Variants in PCDH11X observed in about 807,000 individuals in gnomAD.
The protein encoded by PCDH11X is protocadherin-11 X-linked.
PCDH11X carries 18 observed loss-of-function variants against 53.3 expected under a neutral mutation model. That is an observed-to-expected ratio of 0.34 (90% CI 0.23 to 0.50). The LOEUF (loss-of-function observed/expected upper bound fraction) is 0.50, where lower values mean the gene tolerates loss of function less well. Among genes scored for constraint, PCDH11X ranks in the 20% least tolerant of loss-of-function variants. The pLI is 0.98. For missense variants in PCDH11X, 570 were observed against 1,032.4 expected (o/e 0.55, Z 6.14); for synonymous variants, 279 against 393.3 (o/e 0.71, Z 3.44).
intron 6 of PCDH11X, among the ~76,000 whole-genome samples, chrX:91,977,749 C>T (rs2062065432): frequency 9.0e-6 from 1 of 111,536 alleles, no homozygotes; most frequent in Admixed American, 9.6e-5. Context: ...AACCTAATTC[C>T]ATCCTAAATC....
chrX:92,366,262 G>T (rs1299445213), intron 8 of PCDH11X, among the ~76,000 whole-genome samples: 1 of 111,241 alleles, frequency 9.0e-6, no homozygotes, highest in African/African-American at 3.3e-5. Flanking sequence ...AGATTTTCTG[G>T]TTTATTTGCA....
chrX:92,480,649 C>T (rs1227956768), intron 10 of PCDH11X, among the ~76,000 whole-genome samples: 1 of 110,682 alleles, frequency 9.0e-6, no homozygotes, highest in Non-Finnish European at 1.9e-5. Flanking sequence ...ATACTACGTG[C>T]TGTAACTCTG....
At chrX:91,789,220 A>AT (rs2147517080) in intron 1 of PCDH11X, among the ~76,000 whole-genome samples, 1 of 107,834 alleles carries the variant, frequency 9.3e-6, no homozygotes, top group Admixed American at 1.0e-4. Flanking sequence ...AAAAAAAAAA[A>AT]AAAGAAAAGA....
chrX:92,014,008 G>C (rs990383026), intron 6 of PCDH11X, among the ~76,000 whole-genome samples: 3 of 111,651 alleles, frequency 2.7e-5, no homozygotes, highest in African/African-American at 9.8e-5. Context: ...AAAAGCAATG[G>C]CAACAAAAGC....
intron 9 of PCDH11X, among the ~76,000 whole-genome samples, chrX:92,436,129 A>T (rs1170909710): frequency 9.1e-6 from 1 of 109,368 alleles, no homozygotes; most frequent in Non-Finnish European, 1.9e-5. Flanking sequence ...ATTTATAAGA[A>T]AAAAACAAAC....
intron 6 of PCDH11X, among the ~76,000 whole-genome samples, chrX:92,082,433 G>A (rs2063873736): frequency 9.0e-6 from 1 of 111,493 alleles, no homozygotes; most frequent in African/African-American, 3.3e-5. Context: ...TAGTGTGATA[G>A]TTTTTGCTCT....
At chrX:92,601,129 C>T (rs1490594266) in intron 10 of PCDH11X, among the ~76,000 whole-genome samples, 1 of 108,635 alleles carries the variant, frequency 9.2e-6, no homozygotes, top group Non-Finnish European at 1.9e-5. Context: ...GACTTTGGAC[C>T]GTGAACTTTT....
chrX:92,334,095 T>G (rs185884988), intron 8 of PCDH11X, among the ~76,000 whole-genome samples: 1 of 111,845 alleles, frequency 8.9e-6, no homozygotes, highest in East Asian at 2.8e-4. Context: ...ACTTACAAAC[T>G]GTGTAGCCTA....
At chrX:92,539,053 T>A (rs1398628561) in intron 10 of PCDH11X, among the ~76,000 whole-genome samples, 1 of 108,725 alleles carries the variant, frequency 9.2e-6, no homozygotes, top group African/African-American at 3.3e-5. Flanking sequence ...CTTTGGGAGT[T>A]TGGTTATTGA....
intron 9 of PCDH11X, among the ~76,000 whole-genome samples, chrX:92,395,555 G>GA (rs2071224876): frequency 9.0e-6 from 1 of 110,599 alleles, no homozygotes; most frequent in South Asian, 3.8e-4. Flanking sequence ...GGGATTATAC[G>GA]AATCTCTAGT....
chrX:92,506,289 T>TA (rs1353515023), intron 10 of PCDH11X, among the ~76,000 whole-genome samples: 1 of 100,124 alleles, frequency 1.0e-5, no homozygotes, highest in African/African-American at 3.7e-5. Flanking sequence ...TGGGAGCAGT[T>TA]AGAGTGAGCA....
At chrX:92,503,061 C>T (rs2073988823) in intron 10 of PCDH11X, among the ~76,000 whole-genome samples, 1 of 109,185 alleles carries the variant, frequency 9.2e-6, no homozygotes, top group South Asian at 4.0e-4. Context: ...AAAAATTGGC[C>T]AAAGGACATG....
intron 6 of PCDH11X, among the ~76,000 whole-genome samples, chrX:91,945,874 G>A (rs1009382309): frequency 4.5e-5 from 5 of 110,318 alleles, no homozygotes; most frequent in Non-Finnish European, 5.7e-5. Flanking sequence ...TCTGTTTCTA[G>A]TTGCGCTGCC....
Position 92,463,112 on chromosome X carries a change from T to C in PCDH11X, c.3344-5187T>C, listed in dbSNP as rs756769009. 1.4e-4 allele frequency among the ~76,000 whole-genome samples: 15 copies of C among 108,339 alleles called. No homozygotes were observed. In the East Asian group the frequency reaches 4.3e-3, roughly 31 times the overall value. The allele number at this position is 108,339 out of a possible 115,157, so 94.1% of individuals were successfully genotyped here. On this transcript the variant is annotated intron_variant, in intron 9 of 10. Transcript: ENST00000682573. Reference sequence around the variant, plus strand: ...CAATTTAAAATATTAAGGCTAGATTTTGAGGTGGAAATTTTTGCCTTATAT... The same window carrying C: ...CAATTTAAAATATTAAGGCTAGATTCTGAGGTGGAAATTTTTGCCTTATAT...
intron 6 of PCDH11X, among the ~76,000 whole-genome samples, chrX:91,936,443 T>G (rs2061445362): frequency 9.2e-6 from 1 of 109,256 alleles, no homozygotes; most frequent in Non-Finnish European, 1.9e-5. Flanking sequence ...ATTTGACCAC[T>G]TGTAATTATC....
intron 8 of PCDH11X, among the ~76,000 whole-genome samples, chrX:92,303,692 T>C (rs2068767895): frequency 8.9e-6 from 1 of 112,130 alleles, no homozygotes; most frequent in Admixed American, 9.5e-5. Context: ...AAGCGATATC[T>C]GTCAAACATA....
chrX:92,113,759 G>T, intron 6 of PCDH11X: 2 of 1,201,016 alleles, frequency 1.7e-6, no homozygotes, highest in Non-Finnish European at 2.2e-6. Flanking sequence ...TTCTTGACAA[G>T]AATCCGAATG....
chrX:92,571,109 T>G (rs1922160091), intron 10 of PCDH11X, among the ~76,000 whole-genome samples: 1 of 111,829 alleles, frequency 8.9e-6, no homozygotes, highest in East Asian at 2.8e-4. Context: ...AAACCAGAAT[T>G]AACCTTTACT....
intron 5 of PCDH11X, among the ~76,000 whole-genome samples, chrX:91,852,636 G>A (rs1051537159): frequency 9.9e-5 from 11 of 110,979 alleles, no homozygotes; most frequent in Non-Finnish European, 1.5e-4. Flanking sequence ...CTCAACCTTG[G>A]CATTATTGAC....
Sources: gnomAD v4.1 joint callset for allele counts (sites outside exome capture counted in the v4.1 genomes callset) on GRCh38, gnomAD v4.1.1 for gene constraint, MANE v1.5 for transcripts, NCBI Gene and HGNC (gene_info 2026-07-23, HGNC 2026-07-21) for gene names.